Variants in DCAF8L2 observed in about 807,000 individuals in gnomAD.
DCAF8L2 encodes the protein DDB1- and CUL4-associated factor 8-like protein 2.
For missense variants in DCAF8L2, 430 were observed against 490.7 expected (o/e 0.88, Z 1.17); for synonymous variants, 200 against 190.9 (o/e 1.05, Z -0.39).
the DCAF8L2 span, among the ~76,000 whole-genome samples, chrX:27,542,532 ACTTT>A: frequency 6.0e-4 from 35 of 58,456 alleles, 1 homozygote; most frequent in African/African-American, 1.3e-3. Flanking sequence ...TCCTTTGCCT[ACTTT>A]TTTTTTTTTT....
chrX:27,746,759 A>G, intron 4 of DCAF8L2, 79 bp from the exon 5 acceptor site: 1 of 549,756 alleles, frequency 1.8e-6, no homozygotes, highest in Non-Finnish European at 2.9e-6. Flanking sequence ...CCTTTAGCCA[A>G]TCAGATTGCT....
rs761231033 is a variant in DCAF8L2, at chrX:27,743,211, C to T, written c.-58-3627C>T. ...ATGGGATTCGCTTGTCTCAGCCTCC[C>T]GGGTAGCTGGGACTACAAGGCACAT... On this transcript the variant is annotated intron_variant, in intron 4 of 4. Transcript: ENST00000451261. Among the ~76,000 whole-genome samples, 6 of 109,412 alleles carry T rather than the reference C, an allele frequency of 5.5e-5. No individual in the cohort carries two copies. In the East Asian group the frequency reaches 1.2e-3, roughly 21 times the overall value.
intron 1 of DCAF8L2, among the ~76,000 whole-genome samples, chrX:27,600,471 T>C (rs1376699632): frequency 1.8e-5 from 2 of 111,835 alleles, no homozygotes; most frequent in African/African-American, 6.5e-5. Flanking sequence ...CATGAGAGAT[T>C]TATTTAATTT....
intron 2 of DCAF8L2, among the ~76,000 whole-genome samples, chrX:27,641,558 A>G (rs183787809): frequency 9.9e-6 from 1 of 100,660 alleles, no homozygotes; most frequent in East Asian, 3.1e-4. Flanking sequence ...TGCAACCTCC[A>G]CCTCCTGGGT....
At chrX:27,677,247 C>T (rs1457351090) in intron 2 of DCAF8L2, among the ~76,000 whole-genome samples, 1 of 111,700 alleles carries the variant, frequency 9.0e-6, no homozygotes, top group African/African-American at 3.2e-5. Context: ...TGTGTGTTCT[C>T]TCTGTGCCAG....
chrX:27,683,978 C>T (rs1930412401), intron 3 of DCAF8L2, among the ~76,000 whole-genome samples: 1 of 112,531 alleles, frequency 8.9e-6, no homozygotes, highest in Non-Finnish European at 1.9e-5. Flanking sequence ...TAGTGGAGAC[C>T]TCACTGTCAT....
At chrX:27,672,031 A>G (rs1469211302) in intron 2 of DCAF8L2, among the ~76,000 whole-genome samples, 2 of 112,212 alleles carry the variant, frequency 1.8e-5, no homozygotes, top group Non-Finnish European at 3.8e-5. Context: ...GAATGAAAAT[A>G]CCTTCCTAAG....
At chrX:27,510,890 T>C in the DCAF8L2 span, among the ~76,000 whole-genome samples, 2 of 111,644 alleles carry the variant, frequency 1.8e-5, no homozygotes, top group Non-Finnish European at 3.8e-5. Flanking sequence ...AATATTATAC[T>C]TCAAGAGTAC....
intron 1 of DCAF8L2, among the ~76,000 whole-genome samples, chrX:27,610,211 C>A (rs975019480): frequency 1.8e-5 from 2 of 111,198 alleles, no homozygotes; most frequent in Admixed American, 1.9e-4. Flanking sequence ...TAAGTATGTA[C>A]TCTTAAGACG....
Position 27,619,004 on chromosome X carries a change from AATC to A in DCAF8L2, c.-341-12874_-341-12872del, listed in dbSNP as rs1403564129. On this transcript the variant is annotated intron_variant, in intron 1 of 4. Coordinates refer to ENST00000451261, the MANE Select transcript of DCAF8L2 (RefSeq NM_001353450.2). ...CAGGATATTATCTATATCTATATCTAATCTATCTATCTATCTATCTATCTATCT... is the reference window on the plus strand; with the variant it reads ...CAGGATATTATCTATATCTATATCTATATCTATCTATCTATCTATCTATCT... Among the ~76,000 whole-genome samples the A allele has an allele frequency of 4.9e-5, 5 of 101,664 alleles. No homozygotes were observed. The Admixed American group carries it at 5.4e-4, about 11-fold the overall frequency. The allele number at this position is 101,664 out of a possible 115,157, so 88.3% of individuals were successfully genotyped here.
the DCAF8L2 span, among the ~76,000 whole-genome samples, chrX:27,506,665 C>T: frequency 2.7e-5 from 3 of 110,712 alleles, no homozygotes; most frequent in Non-Finnish European, 5.7e-5. Context: ...CTTCTGTGTG[C>T]GTGTGTGTCC....
At chrX:27,653,145 GT>G (rs1215355169) in intron 2 of DCAF8L2, among the ~76,000 whole-genome samples, 2 of 112,099 alleles carry the variant, frequency 1.8e-5, no homozygotes. Context: ...GAAGGAGGTA[GT>G]TGCTATTTAG....
intron 1 of DCAF8L2, among the ~76,000 whole-genome samples, chrX:27,618,708 G>A (rs1927593249): frequency 1.8e-5 from 2 of 110,930 alleles, no homozygotes; most frequent in Admixed American, 1.9e-4. Flanking sequence ...CGCCCTCTTG[G>A]CTGGTTGTGT....
intron 4 of DCAF8L2, among the ~76,000 whole-genome samples, chrX:27,740,823 T>G (rs1921803942): frequency 8.9e-6 from 1 of 112,411 alleles, no homozygotes; most frequent in Non-Finnish European, 1.9e-5. Context: ...ATATTCTATA[T>G]GCACTTACAC....
intron 2 of DCAF8L2, among the ~76,000 whole-genome samples, chrX:27,671,162 A>G (rs1262817637): frequency 9.0e-6 from 1 of 111,602 alleles, no homozygotes; most frequent in Non-Finnish European, 1.9e-5. Flanking sequence ...CCGCTTAACA[A>G]TCTGTAATCC....
At chrX:27,654,175 A>G (rs1355531583) in intron 2 of DCAF8L2, among the ~76,000 whole-genome samples, 1 of 111,070 alleles carries the variant, frequency 9.0e-6, no homozygotes, top group Non-Finnish European at 1.9e-5. Flanking sequence ...GTATGTGCCA[A>G]TTGGGAACCT....
chrX:27,590,075 CA>C (rs1926000829), upstream of DCAF8L2, among the ~76,000 whole-genome samples: 4 of 111,289 alleles, frequency 3.6e-5, no homozygotes, highest in Admixed American at 3.9e-4. Context: ...TGGTAGAAGA[CA>C]AATCCCAAAC....
chrX:27,528,062 AT>A, the DCAF8L2 span, among the ~76,000 whole-genome samples: 1 of 105,575 alleles, frequency 9.5e-6, no homozygotes, highest in African/African-American at 3.5e-5. Flanking sequence ...ATTAAATTAA[AT>A]TTTTAATTTA....
chrX:27,726,990 C>T (rs1055552357), intron 4 of DCAF8L2, among the ~76,000 whole-genome samples: 2 of 111,740 alleles, frequency 1.8e-5, no homozygotes, highest in Non-Finnish European at 1.9e-5. Flanking sequence ...TACTGCCAAG[C>T]AATATTCCAA....
Sources: allele counts gnomAD v4.1 joint callset (sites outside exome capture counted in the v4.1 genomes callset), GRCh38; gene constraint gnomAD v4.1.1; transcripts MANE v1.5; gene names NCBI Gene and HGNC (gene_info 2026-07-23, HGNC 2026-07-21).